The following HSPH1 variants were observed in gnomAD, a reference collection of about 807,000 sequenced individuals.
HSPH1 encodes the protein heat shock protein 105 kDa.
A neutral mutation model predicts 100.0 loss-of-function variants in HSPH1; 40 were observed. The ratio of observed to expected loss-of-function variants is 0.40; its 90% CI spans 0.31 to 0.52. The LOEUF (loss-of-function observed/expected upper bound fraction) is 0.52. Ranked by LOEUF, HSPH1 falls within the 20% of genes least tolerant of loss-of-function variation. The probability of loss-of-function intolerance (pLI) is 0.54; values close to 1 mark genes in which losing one functional copy is unlikely to be tolerated. For synonymous variants in HSPH1, 403 were observed against 344.0 expected, an observed-to-expected ratio of 1.17 and a Z score of -1.90; for missense variants, 876 against 1,015.1, an observed-to-expected ratio of 0.86 and a Z score of 1.86.
At chr13:31,156,361 G>C (rs1355539164) in intron 2 of HSPH1, among the ~76,000 whole-genome samples, 1 of 152,086 alleles carries the variant, frequency 6.6e-6, no homozygotes, top group South Asian at 2.1e-4. Context: ...CTGCACTCCA[G>C]CCTGGGCGAC....
chr13:31,149,977 C>G lies in HSPH1; in HGVS notation c.1114G>C (p.Val372Leu). The change falls in exon 8 of 18, where the codon GTA (valine) becomes CTA (leucine). Residue 372 changes from valine to leucine, a missense_variant. Physicochemically the swap from Val to Leu is conservative, Grantham distance 32. Coordinates refer to ENST00000320027, the MANE Select transcript of HSPH1 (RefSeq NM_006644.4). ...ISTTLNADEAVARGCALQCAI... is the reference protein window; with the variant it reads ...ISTTLNADEALARGCALQCAI... ...ACCTGTAATGCACATCCTCTGGCTA[C>G]TGCTTCATCTGCATTGAGTGTTGTG... The G allele has an allele frequency of 1.9e-6, 3 of 1,613,670 alleles. No individual in the cohort carries two copies. Among genetic ancestry groups the G allele is most frequent in the Non-Finnish European group, 2.5e-6 (3 of 1,179,648 alleles).
chr13:31,150,466 T>C (rs1417759682), intron 7 of HSPH1, among the ~76,000 whole-genome samples: 2 of 152,122 alleles, frequency 1.3e-5, no homozygotes, highest in African/African-American at 4.8e-5. Context: ...TGACACAGAG[T>C]CTTGCTGAGT....
intron 4 of HSPH1, among the ~76,000 whole-genome samples, chr13:31,153,406 T>C (rs1489092304): frequency 1.3e-5 from 2 of 152,214 alleles, no homozygotes; most frequent in Non-Finnish European, 2.9e-5. Context: ...TTCTAACATA[T>C]GCCACCACCC....
intron 17 of HSPH1, among the ~76,000 whole-genome samples, chr13:31,137,741 C>T (rs1241011661): frequency 1.3e-5 from 2 of 152,108 alleles, no homozygotes; most frequent in African/African-American, 2.4e-5. Flanking sequence ...TATGTACTTA[C>T]ATATATTCCT....
rs1313637667 is a variant in HSPH1 at position 31,139,115 on chromosome 13, C to T, written c.1981-8G>A. 2 of 1,505,644 alleles carry T rather than the reference C, an allele frequency of 1.3e-6. No individual in the cohort carries two copies. The highest frequency in any genetic ancestry group is 1.7e-5 in the Admixed American group (1 of 59,634). 93.3% of individuals were successfully genotyped at this position (1,505,644 alleles called of 1,614,324 possible). ...CAAAAAATTTTGATGATCCTTAACA[C>T]AAAATATGACAATATTAGTGGCACT... On this transcript the variant is annotated splice_region_variant and splice_polypyrimidine_tract_variant and intron_variant, in intron 14 of 17. Coordinates refer to ENST00000320027, the MANE Select transcript of HSPH1 (RefSeq NM_006644.4).
At chr13:31,141,848 T>A (rs966354509) in intron 12 of HSPH1, among the ~76,000 whole-genome samples, 3 of 151,476 alleles carry the variant, frequency 2.0e-5, no homozygotes, top group African/African-American at 7.3e-5. Context: ...TATCCACCTT[T>A]GAATTGTATC....
At chr13:31,161,427 C>T (rs1264257212) in intron 1 of HSPH1, 49 bp downstream of exon 1, 2 of 1,604,204 alleles carry the variant, frequency 1.2e-6, no homozygotes, top group Non-Finnish European at 1.7e-6. Flanking sequence ...GGTCCCCACA[C>T]TAAGGGCCCA....
At chr13:31,154,575 G>A in intron 4 of HSPH1, 58 bp downstream of exon 4, 6 of 1,596,302 alleles carry the variant, frequency 3.8e-6, no homozygotes, top group Non-Finnish European at 5.2e-6. Flanking sequence ...ATACTTAAAA[G>A]TAATACAAAG....
chr13:31,151,805 A>T, intron 5 of HSPH1, 63 bp from the exon 6 acceptor site: 1 of 1,417,902 alleles, frequency 7.1e-7, no homozygotes, highest in Non-Finnish European at 9.7e-7. Context: ...TCACTGTTAC[A>T]TAAAATTACA....
In HSPH1 at chr13:31,143,807, G is replaced by A; in HGVS notation, c.1701C>T (p.Ile567=). The change falls in exon 12 of 18, where the codon ATC becomes ATT. Residue 567 remains isoleucine (I), a synonymous_variant. Transcript: ENST00000320027. ...SPELTSEENK[I]PDADKANEKK... ...AGTCACTCACTTTGTCAGCATCTGG[G>A]ATTTTGTTTTCTTCTGAGGTAAGTT... The A allele has an allele frequency of 6.2e-7, 1 of 1,608,892 alleles. No homozygotes were observed. Among genetic ancestry groups the A allele is most frequent in the Non-Finnish European group, 8.5e-7 (1 of 1,177,366 alleles).
chr13:31,146,562 A>C (rs1477516101), intron 10 of HSPH1, among the ~76,000 whole-genome samples: 1 of 152,196 alleles, frequency 6.6e-6, no homozygotes, highest in African/African-American at 2.4e-5. Flanking sequence ...AAATAATCAA[A>C]ACATTTAGCT....
chr13:31,148,370 A>G lies in HSPH1; in HGVS notation c.1244+4T>C. The G allele has an allele frequency of 1.3e-6, 2 of 1,485,604 alleles. No homozygotes were observed. The highest frequency in any genetic ancestry group is 1.9e-6 in the Non-Finnish European group (2 of 1,072,068). 92.0% of individuals were successfully genotyped at this position (1,485,604 alleles called of 1,614,324 possible). On this transcript the variant is annotated splice_donor_region_variant and intron_variant, in intron 9 of 17. Transcript: ENST00000320027. ...GTATCTGAATGTTATTTTCTGCTAC[A>G]TACCCTTCAGTATCTTCTGAATCAT...
intron 5 of HSPH1, among the ~76,000 whole-genome samples, 182 bp downstream of exon 5, chr13:31,152,670 T>C (rs1364105514): frequency 6.6e-6 from 1 of 152,182 alleles, no homozygotes; most frequent in Non-Finnish European, 1.5e-5. Context: ...AGCAGATTCA[T>C]AAGTTTGATA....
At chr13:31,155,394 TA>T (rs1245885577) in intron 3 of HSPH1, 119 bp downstream of exon 3, 6 of 713,268 alleles carry the variant, frequency 8.4e-6, no homozygotes, top group South Asian at 2.2e-5. Context: ...AGGAGCTGAA[TA>T]AAAAAAGAAC....
chr13:31,145,662 T>C lies in HSPH1; in HGVS notation c.1485A>G (p.Ala495=), dbSNP rs1323834878. ...CAGTTGGGACTTTCTCCACCATAGATGCCGTAGAGATGGTGAAAATGCCAT... is the reference window on the plus strand; with the variant it reads ...CAGTTGGGACTTTCTCCACCATAGACGCCGTAGAGATGGTGAAAATGCCAT... The part of the protein sequence containing the change: ...NTHGIFTIST[A]SMVEKVPTEE... Residue 495 remains alanine (A), a synonymous_variant, in exon 11 of 18, where the codon GCA becomes GCG. Transcript: ENST00000320027. 1 of 1,613,674 alleles carries C rather than the reference T, an allele frequency of 6.2e-7. No individual in the cohort carries two copies. The highest frequency in any genetic ancestry group is 8.5e-7 in the Non-Finnish European group (1 of 1,179,740).
At chr13:31,147,389 G>C (rs1325681968) in intron 10 of HSPH1, among the ~76,000 whole-genome samples, 8 of 152,018 alleles carry the variant, frequency 5.3e-5, no homozygotes, top group African/African-American at 1.9e-4. Context: ...GGTACGTCCT[G>C]AAAAGACCTA....
chr13:31,160,781 G>C (rs184307116), intron 1 of HSPH1, among the ~76,000 whole-genome samples: 1 of 151,776 alleles, frequency 6.6e-6, no homozygotes, highest in Admixed American at 6.5e-5. Flanking sequence ...GAATGGCAAA[G>C]AGCAAAAAAA....
At chr13:31,148,280 G>C (rs912988546) in intron 9 of HSPH1, 94 bp downstream of exon 9, 1 of 990,442 alleles carries the variant, frequency 1.0e-6, no homozygotes, top group Non-Finnish European at 1.6e-6. Context: ...ATGACTACTA[G>C]AGAAGTCATT....
Position 31,152,943 on chromosome 13 carries a change from G to C in HSPH1, c.438C>G (p.Ser146=). 1 of 1,610,134 alleles carries C rather than the reference G, an allele frequency of 6.2e-7. No homozygotes were observed. Among genetic ancestry groups the C allele is most frequent in the South Asian group, 1.1e-5 (1 of 90,934 alleles). Residue 146 remains serine (S), a synonymous_variant, in exon 5 of 18, where the codon TCC becomes TCG. Coordinates refer to ENST00000320027, the MANE Select transcript of HSPH1 (RefSeq NM_006644.4). ...ATCGCCTCTCAGCATCTGTAAAGAA[G>C]GAGGGGACCTACAAACAAACAAAAA... ...PVTDCVISVP[S]FFTDAERRSV...
Sources: gnomAD v4.1 joint callset for allele counts (sites outside exome capture counted in the v4.1 genomes callset) on GRCh38, gnomAD v4.1.1 for gene constraint, MANE v1.5 for transcripts, NCBI Gene and HGNC (gene_info 2026-07-23, HGNC 2026-07-21) for gene names.